Variants in MAST4 observed in about 807,000 individuals in gnomAD.
MAST4 encodes microtubule-associated serine/threonine-protein kinase 4.
Under a neutral mutation model 162.7 loss-of-function variants are expected in MAST4, and 89 were observed. The ratio of observed to expected loss-of-function variants is 0.55; its 90% CI spans 0.46 to 0.65. MAST4 has a LOEUF of 0.65. Ranked by LOEUF, MAST4 falls within the 30% of genes least tolerant of loss-of-function variation. The pLI, the probability that MAST4 is intolerant of heterozygous loss-of-function variation, is 0.00. For synonymous variants in MAST4, 1,479 were observed against 1,361.1 expected, an observed-to-expected ratio of 1.09 and a Z score of -1.91; for missense variants, 3,153 against 3,374.0, an observed-to-expected ratio of 0.93 and a Z score of 1.62.
At chr5:66,879,454 T>TA (rs1314821490) in intron 3 of MAST4, among the ~76,000 whole-genome samples, 7 of 152,160 alleles carry the variant, frequency 4.6e-5, no homozygotes, top group Admixed American at 1.3e-4. Flanking sequence ...ACTGGAAATC[T>TA]AAAACTAAAA....
At chr5:66,733,921 GAA>G (rs1752011463) in intron 1 of MAST4, among the ~76,000 whole-genome samples, 2 of 152,132 alleles carry the variant, frequency 1.3e-5, no homozygotes, top group Non-Finnish European at 2.9e-5. Flanking sequence ...AAATAATTTT[GAA>G]AGTTACTGAC....
intron 2 of MAST4, among the ~76,000 whole-genome samples, chr5:66,773,083 T>C (rs1315446125): frequency 1.3e-5 from 2 of 152,178 alleles, no homozygotes; most frequent in Non-Finnish European, 2.9e-5. Flanking sequence ...TGGTGGCCAA[T>C]CAAAGCCACT....
chr5:66,980,920 A>G (rs1190821184), intron 4 of MAST4, among the ~76,000 whole-genome samples: 1 of 152,200 alleles, frequency 6.6e-6, no homozygotes. Flanking sequence ...GACTGGCAGT[A>G]ACAAGTCACC....
chr5:67,090,556 G>A (rs1415383263), intron 6 of MAST4, among the ~76,000 whole-genome samples: 1 of 146,550 alleles, frequency 6.8e-6, no homozygotes, highest in Non-Finnish European at 1.5e-5. Context: ...AGCTTAGGCT[G>A]CCACAAAGCT....
intron 2 of MAST4, among the ~76,000 whole-genome samples, chr5:66,762,806 G>T (rs1279184499): frequency 1.3e-5 from 2 of 152,158 alleles, no homozygotes; most frequent in Non-Finnish European, 2.9e-5. Context: ...GCAGCATTCT[G>T]CTTTCCTTAA....
intron 4 of MAST4, among the ~76,000 whole-genome samples, chr5:66,934,991 G>A (rs1271616688): frequency 6.6e-6 from 1 of 152,176 alleles, no homozygotes; most frequent in Non-Finnish European, 1.5e-5. Context: ...AGTAGGTAAG[G>A]ATGTCTTCCA....
chr5:66,800,076 G>A (rs893250321), intron 3 of MAST4, among the ~76,000 whole-genome samples: 1 of 152,142 alleles, frequency 6.6e-6, no homozygotes, highest in Non-Finnish European at 1.5e-5. Context: ...TACATCCCAA[G>A]TTTATGATTT....
intron 1 of MAST4, among the ~76,000 whole-genome samples, chr5:66,719,775 A>G (rs1751080587): frequency 1.3e-5 from 2 of 152,116 alleles, no homozygotes; most frequent in Middle Eastern, 3.4e-3. Context: ...GATCTACTAC[A>G]TTGTTGAAAC....
chr5:66,710,608 T>C (rs1750434553), intron 1 of MAST4, among the ~76,000 whole-genome samples: 1 of 152,196 alleles, frequency 6.6e-6, no homozygotes, highest in Non-Finnish European at 1.5e-5. Context: ...ATCTAGGTTA[T>C]GGAGTCTTTT....
intron 4 of MAST4, among the ~76,000 whole-genome samples, chr5:66,913,182 G>T (rs1233611257): frequency 6.6e-6 from 1 of 152,116 alleles, no homozygotes; most frequent in Non-Finnish European, 1.5e-5. Context: ...TTCATAAGTT[G>T]ATATGTGTAT....
intron 4 of MAST4, among the ~76,000 whole-genome samples, chr5:66,966,912 A>G (rs773028333): frequency 6.6e-6 from 1 of 152,222 alleles, no homozygotes; most frequent in Non-Finnish European, 1.5e-5. Flanking sequence ...AAAATGTTGT[A>G]ATGATGAGTC....
chr5:67,026,345 AAC>A (rs1184994428), intron 4 of MAST4, among the ~76,000 whole-genome samples: 2 of 152,178 alleles, frequency 1.3e-5, no homozygotes, highest in Non-Finnish European at 2.9e-5. Flanking sequence ...AGCATCTCAC[AAC>A]AGTTTCTAAT....
At chr5:66,900,512 C>T (rs982488063) in intron 4 of MAST4, among the ~76,000 whole-genome samples, 3 of 151,856 alleles carry the variant, frequency 2.0e-5, no homozygotes, top group African/African-American at 7.3e-5. Context: ...GTGTTTTATT[C>T]TTTTATTTTT....
intron 14 of MAST4, among the ~76,000 whole-genome samples, chr5:67,125,712 T>C (rs144961136): frequency 0.013 from 2,041 of 152,316 alleles, 25 homozygotes; most frequent in South Asian, 0.032. Flanking sequence ...ACAATAAATA[T>C]ACGTGTGCAT....
intron 4 of MAST4, among the ~76,000 whole-genome samples, chr5:67,036,416 G>C (rs1218555343): frequency 6.6e-6 from 1 of 152,122 alleles, no homozygotes; most frequent in Non-Finnish European, 1.5e-5. Flanking sequence ...CCACTGAGAA[G>C]TAATCACTAT....
At chr5:66,669,133 T>C (rs1747450964) in intron 1 of MAST4, among the ~76,000 whole-genome samples, 1 of 152,200 alleles carries the variant, frequency 6.6e-6, no homozygotes, top group Non-Finnish European at 1.5e-5. Flanking sequence ...AGCATGAGAA[T>C]TTCCTTCTCC....
chr5:66,965,485 G>A (rs1051562157), intron 4 of MAST4, among the ~76,000 whole-genome samples: 2 of 150,132 alleles, frequency 1.3e-5, no homozygotes, highest in African/African-American at 4.9e-5. Context: ...AGGAGGATGA[G>A]GTTCTGAAGA....
intron 3 of MAST4, among the ~76,000 whole-genome samples, chr5:66,817,459 G>A (rs1398879188): frequency 6.6e-6 from 1 of 152,160 alleles, no homozygotes; most frequent in Non-Finnish European, 1.5e-5. Context: ...CTTTAGATAA[G>A]GGGACAAAGA....
chr5:66,822,056 T>C (rs1297631023), intron 3 of MAST4, among the ~76,000 whole-genome samples: 1 of 152,166 alleles, frequency 6.6e-6, no homozygotes, highest in Non-Finnish European at 1.5e-5. Flanking sequence ...GATAAGCCCA[T>C]AATATTTTCA....
Sources: gnomAD v4.1 joint callset for allele counts (sites outside exome capture counted in the v4.1 genomes callset) on GRCh38, gnomAD v4.1.1 for gene constraint, MANE v1.5 for transcripts, NCBI Gene and HGNC (gene_info 2026-07-23, HGNC 2026-07-21) for gene names.